The following SEMA3D variants were observed in gnomAD, a reference collection of about 807,000 sequenced individuals.
SEMA3D encodes semaphorin 3D.
In SEMA3D, 84 loss-of-function variants were observed where a neutral mutation model predicts 100.1. The observed-to-expected ratio is 0.84, with a 90% CI of 0.70 to 1.01. The LOEUF is 1.01. SEMA3D is among the 50% of genes least tolerant of loss of function. SEMA3D has a pLI of 0.00. For missense variants in SEMA3D, 875 were observed against 934.1 expected (o/e 0.94, Z 0.82); for synonymous variants, 312 against 320.7 (o/e 0.97, Z 0.29).
At chr7:85,050,817 G>T (rs1791143306) in intron 9 of SEMA3D, 3 of 463,612 alleles carry the variant, frequency 6.5e-6, no homozygotes, top group South Asian at 4.0e-5. Context: ...ATATCTCTTT[G>T]ATCACCTTTG....
intron 7 of SEMA3D, among the ~76,000 whole-genome samples, chr7:85,066,937 G>GAGAGAGAGAGAGAT (rs1791644221): frequency 6.7e-6 from 1 of 148,882 alleles, no homozygotes; most frequent in African/African-American, 2.6e-5. Flanking sequence ...GAGAGAGAGA[G>GAGAGAGAGAGAGAT]AGAGAGAGAA....
At chr7:85,220,901 A>C in the SEMA3D span, among the ~76,000 whole-genome samples, 1 of 152,250 alleles carries the variant, frequency 6.6e-6, no homozygotes, top group Admixed American at 6.6e-5. Flanking sequence ...ATCATGTTGC[A>C]CAAAATGCAG....
intron 18 of SEMA3D, among the ~76,000 whole-genome samples, chr7:85,001,368 A>G (rs1789649441): frequency 6.6e-6 from 1 of 152,198 alleles, no homozygotes; most frequent in South Asian, 2.1e-4. Flanking sequence ...AAGCCCAGAC[A>G]TTTAGAAATG....
At chr7:85,109,912 C>G (rs1210616920) in intron 3 of SEMA3D, among the ~76,000 whole-genome samples, 3 of 151,958 alleles carry the variant, frequency 2.0e-5, no homozygotes, top group Non-Finnish European at 2.9e-5. Context: ...CTTACAAGAT[C>G]TATTCAAAAA....
chr7:85,202,215 C>G, the SEMA3D span, among the ~76,000 whole-genome samples: 2 of 103,764 alleles, frequency 1.9e-5, no homozygotes, highest in South Asian at 4.2e-4. Flanking sequence ...CCCCTCCCCC[C>G]ACCCCACAAC....
At chr7:85,008,954 T>G (rs1789876733) in intron 17 of SEMA3D, among the ~76,000 whole-genome samples, 1 of 151,778 alleles carries the variant, frequency 6.6e-6, no homozygotes. Flanking sequence ...CAGATTTGGG[T>G]CCTATTCCAA....
intron 1 of SEMA3D, among the ~76,000 whole-genome samples, chr7:85,172,846 T>C (rs1367201029): frequency 6.6e-6 from 1 of 152,094 alleles, no homozygotes; most frequent in Admixed American, 6.6e-5. Flanking sequence ...GAGTTCCAGA[T>C]CCTTGAGTGA....
chr7:85,247,382 A>C, the SEMA3D span, among the ~76,000 whole-genome samples: 23 of 152,260 alleles, frequency 1.5e-4, no homozygotes, highest in African/African-American at 5.5e-4. Flanking sequence ...TAAGTGCTGT[A>C]GAAGAACAAT....
intron 1 of SEMA3D, among the ~76,000 whole-genome samples, chr7:85,165,312 G>C (rs1051892875): frequency 6.6e-6 from 1 of 151,948 alleles, no homozygotes; most frequent in Non-Finnish European, 1.5e-5. Context: ...ATGGATAGGA[G>C]ATGTAGTAGA....
intron 12 of SEMA3D, among the ~76,000 whole-genome samples, chr7:85,030,332 A>G (rs1166422015): frequency 6.6e-6 from 1 of 152,052 alleles, no homozygotes; most frequent in African/African-American, 2.4e-5. Flanking sequence ...TTTATGAAAT[A>G]TTTAAAAAGT....
chr7:85,073,148 C>T, intron 5 of SEMA3D, 67 bp from the exon 6 acceptor site: 5 of 1,407,372 alleles, frequency 3.6e-6, no homozygotes, highest in East Asian at 2.3e-5. Context: ...TCATTTATGC[C>T]ACCTGTTTTC....
intron 12 of SEMA3D, among the ~76,000 whole-genome samples, chr7:85,025,379 C>T (rs1204298280): frequency 1.3e-5 from 2 of 151,988 alleles, no homozygotes; most frequent in African/African-American, 4.8e-5. Context: ...AGCAACCAGC[C>T]CTGGTTCAGG....
chr7:85,181,176 A>C (rs769738768), intron 1 of SEMA3D, among the ~76,000 whole-genome samples: 44 of 152,190 alleles, frequency 2.9e-4, no homozygotes, highest in Non-Finnish European at 5.4e-4. Context: ...CCACTGTGAA[A>C]TGCTACCCCA....
intron 3 of SEMA3D, among the ~76,000 whole-genome samples, chr7:85,116,019 A>C (rs955056723): frequency 2.6e-5 from 4 of 152,060 alleles, no homozygotes; most frequent in Non-Finnish European, 2.9e-5. Flanking sequence ...GATATATAGG[A>C]GTATTTCATT....
chr7:85,055,844 C>A lies in SEMA3D; in HGVS notation c.734G>T (p.Gly245Val). 1 of 1,559,690 alleles carries A rather than the reference C, an allele frequency of 6.4e-7. No individual in the cohort carries two copies. Among genetic ancestry groups the A allele is most frequent in the East Asian group, 2.3e-5 (1 of 43,000 alleles). The change falls in exon 9 of 19, where the codon GGA (glycine) becomes GTA (valine). Residue 245 changes from glycine to valine, a missense_variant. Transcript: ENST00000284136. The stretch of plus-strand genomic sequence containing the variant: ...GTAGGTGTCTGGTATGAAGAAAGTT[C>A]CAATAAATTTTGCTCCTGTTTGAAA... ...HYWLNGAKFI[G>V]TFFIPDTYNP... is the part of the protein sequence containing the mutation.
At chr7:85,232,579 C>T in the SEMA3D span, among the ~76,000 whole-genome samples, 4 of 152,054 alleles carry the variant, frequency 2.6e-5, no homozygotes, top group Non-Finnish European at 4.4e-5. Context: ...AGTTTTATTG[C>T]GGACAAAATA....
intron 4 of SEMA3D, among the ~76,000 whole-genome samples, chr7:85,084,501 G>T (rs566342863): frequency 6.6e-6 from 1 of 151,658 alleles, no homozygotes; most frequent in South Asian, 2.1e-4. Context: ...TCCATAACCT[G>T]TCAATTGATT....
At chr7:85,011,269 A>C (rs940724695) in intron 17 of SEMA3D, among the ~76,000 whole-genome samples, 3 of 151,816 alleles carry the variant, frequency 2.0e-5, no homozygotes, top group Non-Finnish European at 4.4e-5. Flanking sequence ...GAGCTTAAGT[A>C]AAAATGAGAA....
At chr7:85,202,469 TTGG>T in the SEMA3D span, among the ~76,000 whole-genome samples, 1 of 152,006 alleles carries the variant, frequency 6.6e-6, no homozygotes, top group Non-Finnish European at 1.5e-5. Context: ...TGTTGGACAT[TTGG>T]GTTGGTTCCA....
Sources: allele counts gnomAD v4.1 joint callset (sites outside exome capture counted in the v4.1 genomes callset), GRCh38; gene constraint gnomAD v4.1.1; transcripts MANE v1.5; gene names NCBI Gene and HGNC (gene_info 2026-07-23, HGNC 2026-07-21).